The following PLD3 variants were observed in gnomAD, a reference collection of about 807,000 sequenced individuals.
PLD3 encodes phospholipase D family member 3, also known as 5'-3' exonuclease PLD3.
Under a neutral mutation model 58.4 loss-of-function variants are expected in PLD3, and 31 were observed. That is an observed-to-expected ratio of 0.53 (90% CI 0.40 to 0.72). The LOEUF is 0.72. PLD3 is among the 30% of genes least tolerant of loss of function. The pLI is 0.00. For synonymous variants in PLD3, 264 were observed against 273.4 expected (o/e 0.97, Z 0.34); for missense variants, 595 against 659.8 (o/e 0.90, Z 1.08).
At chr19:40,350,794 G>T (rs1445989251) in intron 1 of PLD3, among the ~76,000 whole-genome samples, 1 of 151,960 alleles carries the variant, frequency 6.6e-6, no homozygotes, top group South Asian at 2.1e-4. Context: ...CACTCTAGTG[G>T]GGGTAAGAGG....
chr19:40,364,814 A>G (rs1490614127), intron 1 of PLD3, among the ~76,000 whole-genome samples: 1 of 150,936 alleles, frequency 6.6e-6, no homozygotes. Context: ...AAAAAAAAAA[A>G]GCAGCTGGGC....
intron 1 of PLD3, among the ~76,000 whole-genome samples, chr19:40,362,448 T>G (rs2078810353): frequency 6.6e-6 from 1 of 152,200 alleles, no homozygotes; most frequent in African/African-American, 2.4e-5. Flanking sequence ...TTTGTTTGTT[T>G]TTTATGAGAC....
chr19:40,348,807 T>C, intron 1 of PLD3, 39 bp downstream of exon 1: 1 of 288,914 alleles, frequency 3.5e-6, no homozygotes, highest in Non-Finnish European at 6.5e-6. Flanking sequence ...TCGGCTACCC[T>C]CCTCGTGTTG....
chr19:40,367,510 G>T (rs1192567541), intron 5 of PLD3, 186 bp from the exon 6 acceptor site: 5 of 529,920 alleles, frequency 9.4e-6, no homozygotes, highest in Admixed American at 6.3e-5. Flanking sequence ...GAGCCCAGGG[G>T]TTCGAGGCTG....
At chr19:40,364,258 G>T (rs1184749098) in intron 1 of PLD3, among the ~76,000 whole-genome samples, 1 of 152,120 alleles carries the variant, frequency 6.6e-6, no homozygotes, top group Admixed American at 6.5e-5. Context: ...GGAGGCTGAG[G>T]CAGGAGAATC....
chr19:40,350,336 C>T (rs1007342956), intron 1 of PLD3, among the ~76,000 whole-genome samples: 4 of 151,250 alleles, frequency 2.6e-5, no homozygotes, highest in African/African-American at 9.7e-5. Context: ...GTTACTGCAT[C>T]TGCAATATGG....
At chr19:40,376,841 G>A in intron 11 of PLD3, 67 bp downstream of exon 11, 5 of 1,438,974 alleles carry the variant, frequency 3.5e-6, no homozygotes, top group Non-Finnish European at 4.7e-6. Context: ...AGCCCTCATG[G>A]GACTCGTCTG....
chr19:40,366,474 T>C lies in PLD3; in HGVS notation c.-10T>C. On this transcript the variant is annotated 5_prime_UTR_variant, in exon 3 of 13. Coordinates refer to ENST00000409735, the MANE Select transcript of PLD3 (RefSeq NM_012268.4). ...CCTGGGCTCTGCGTATCCCCCAGCC[T>C]TGAGGGAAGATGAAGCCTAAACTGA... 1.2e-6 allele frequency: 2 copies of C among 1,613,448 alleles called. No individual in the cohort carries two copies. The highest frequency in any genetic ancestry group is 1.7e-6 in the Non-Finnish European group (2 of 1,179,476).
intron 1 of PLD3, among the ~76,000 whole-genome samples, chr19:40,365,286 T>C (rs186075897): frequency 1.2e-3 from 178 of 152,316 alleles, no homozygotes; most frequent in Non-Finnish European, 2.0e-3. Flanking sequence ...TTGGGAGATA[T>C]GGGATGGGGT....
Position 40,355,109 on chromosome 19 carries a change from G to T in PLD3, c.-279+6341G>T, listed in dbSNP as rs2078622612. Among the ~76,000 whole-genome samples the T allele has an allele frequency of 2.0e-5, 3 of 152,222 alleles. No individual in the cohort carries two copies. In the South Asian group the frequency reaches 6.2e-4, roughly 32 times the overall value. On this transcript the variant is annotated intron_variant, in intron 1 of 12. Coordinates refer to ENST00000409735, the MANE Select transcript of PLD3 (RefSeq NM_012268.4). ...CCACCTCGGCCTCCCAAAGTGCTGGGATTACAAGCATGAGCCACCATGCCC... is the reference window on the plus strand; with the variant it reads ...CCACCTCGGCCTCCCAAAGTGCTGGTATTACAAGCATGAGCCACCATGCCC...
intron 1 of PLD3, chr19:40,356,622 T>A (rs796432607): frequency 2.6e-5 from 4 of 152,708 alleles, no homozygotes; most frequent in African/African-American, 9.6e-5. Context: ...AATGGGGACC[T>A]GGGGCAGGAA....
intron 1 of PLD3, among the ~76,000 whole-genome samples, chr19:40,354,204 G>A (rs1210139713): frequency 2.0e-5 from 3 of 150,632 alleles, no homozygotes; most frequent in African/African-American, 7.3e-5. Context: ...CTCCTGAGTA[G>A]CTAGGATTAC....
intron 1 of PLD3, among the ~76,000 whole-genome samples, chr19:40,360,914 A>G (rs546502422): frequency 6.6e-6 from 1 of 152,354 alleles, no homozygotes; most frequent in Non-Finnish European, 1.5e-5. Flanking sequence ...AAATAAGGTC[A>G]CATGCACGTA....
chr19:40,370,113 C>T lies in PLD3; in HGVS notation c.554C>T (p.Ala185Val). 3 of 1,609,616 alleles carry T rather than the reference C, an allele frequency of 1.9e-6. No homozygotes were observed. The highest frequency in any genetic ancestry group is 1.3e-5 in the African/African-American group (1 of 74,958). ...ADLQALLQSGAQVRMVDMQKL... is the reference protein window; with the variant it reads ...ADLQALLQSGVQVRMVDMQKL... ...TCTCTGCCCCTGCTGGTCACAGGTG[C>T]CCAGGTCCGCATGGTGGACATGCAG... Residue 185 changes from alanine (A) to valine (V), a missense_variant, in exon 8 of 13, where the codon GCC (alanine) becomes GTC (valine). Ala to Val is a moderately conservative substitution (Grantham distance 64). Transcript: ENST00000409735.
At chr19:40,349,522 T>C (rs1486496912) in intron 1 of PLD3, among the ~76,000 whole-genome samples, 1 of 152,194 alleles carries the variant, frequency 6.6e-6, no homozygotes, top group Non-Finnish European at 1.5e-5. Context: ...CTTGACTGCC[T>C]TATGGCACCT....
At chr19:40,356,246 A>G (rs1157606584) in intron 1 of PLD3, 1 of 152,470 alleles carries the variant, frequency 6.6e-6, no homozygotes, top group African/African-American at 2.4e-5. Context: ...CAAAGAGGTC[A>G]TTCAGGGAAG....
At chr19:40,367,364 T>C (rs2145687108) in intron 5 of PLD3, 1 of 272,022 alleles carries the variant, frequency 3.7e-6, no homozygotes, top group Admixed American at 4.9e-5. Flanking sequence ...GAGGATTGCT[T>C]GAGCCCAGGA....
chr19:40,375,785 A>G (rs1171130611), intron 10 of PLD3, among the ~76,000 whole-genome samples: 2 of 150,298 alleles, frequency 1.3e-5, no homozygotes, highest in Admixed American at 1.3e-4. Flanking sequence ...GGGTCCAGGC[A>G]TGGTGGCTCA....
intron 3 of PLD3, 31 bp from the exon 4 acceptor site, chr19:40,366,579 C>A: frequency 6.3e-7 from 1 of 1,583,082 alleles, no homozygotes; most frequent in Non-Finnish European, 8.6e-7. Flanking sequence ...CAAGAGCCAC[C>A]TGTCACCCCC....
Sources: allele counts gnomAD v4.1 joint callset (sites outside exome capture counted in the v4.1 genomes callset), GRCh38; gene constraint gnomAD v4.1.1; transcripts MANE v1.5; gene names NCBI Gene and HGNC (gene_info 2026-07-23, HGNC 2026-07-21).